GPN2: variants seen among roughly 807,000 people sequenced by gnomAD.
GPN2 encodes ATP-binding domain 1 family member B.
GPN2 carries 27 observed loss-of-function variants against 30.1 expected under a neutral mutation model. The observed-to-expected ratio is 0.90, with a 90% CI of 0.66 to 1.24. GPN2 has a LOEUF of 1.24. Among genes scored for constraint, GPN2 ranks in the 50% most tolerant of loss-of-function variants. The pLI is 0.00. For missense variants in GPN2, 406 were observed against 405.4 expected, an observed-to-expected ratio of 1.00 and a Z score of -0.01; for synonymous variants, 212 against 174.4, an observed-to-expected ratio of 1.22 and a Z score of -1.70.
chr1:26,879,694 C>T lies in GPN2; in HGVS notation c.916G>A (p.Glu306Lys), dbSNP rs760924102. The T allele has an allele frequency of 2.7e-5, 43 of 1,613,646 alleles. No homozygotes were observed. The South Asian group carries it at 4.5e-4, about 17-fold the overall frequency. The change falls in exon 5 of 5, where the codon GAA (glutamate) becomes AAA (lysine). Residue 306 changes from glutamate (E) to lysine (K), a missense_variant. By Grantham distance (56) the Glu-to-Lys change is moderately conservative. Transcript: ENST00000374135. ...LAPSNQSVEQ[E>K]AMQL ...CCTTGTTGCTACAGCTGCATGGCTT[C>T]CTGCTCCACTGACTGGTTCGAGGGT...
At chr1:26,888,317 C>T (rs2081902050) in intron 2 of GPN2, among the ~76,000 whole-genome samples, 1 of 152,170 alleles carries the variant, frequency 6.6e-6, no homozygotes, top group Non-Finnish European at 1.5e-5. Context: ...TAGCCTCCTT[C>T]TGTGAGGACA....
intron 4 of GPN2, among the ~76,000 whole-genome samples, chr1:26,882,152 G>C (rs1177688177): frequency 1.3e-5 from 2 of 151,620 alleles, no homozygotes; most frequent in Non-Finnish European, 2.9e-5. Context: ...GGGAGATGGA[G>C]GTTGCAGTGA....
intron 4 of GPN2, among the ~76,000 whole-genome samples, chr1:26,880,143 A>C (rs1015637419): frequency 6.6e-6 from 1 of 152,138 alleles, no homozygotes; most frequent in Admixed American, 6.5e-5. Context: ...GCTCCAAAGT[A>C]AGAAACAGAT....
chr1:26,883,028 TCTATTCTCA>T (rs1258015095), intron 4 of GPN2, among the ~76,000 whole-genome samples: 7 of 152,210 alleles, frequency 4.6e-5, no homozygotes, highest in Non-Finnish European at 8.8e-5. Context: ...CACCTTTCTT[TCTATTCTCA>T]CTACAAATCT....
intron 2 of GPN2, chr1:26,886,544 G>A: frequency 2.3e-6 from 1 of 440,278 alleles, no homozygotes; most frequent in South Asian, 1.6e-5. Context: ...ACAAAATTAG[G>A]CCAGGTGCGG....
intron 4 of GPN2, among the ~76,000 whole-genome samples, chr1:26,881,136 T>A (rs1209565344): frequency 6.6e-6 from 1 of 152,230 alleles, no homozygotes; most frequent in African/African-American, 2.4e-5. Flanking sequence ...ATCCTTTATA[T>A]ATACGAATAC....
chr1:26,888,528 A>C (rs1162304447), intron 2 of GPN2, among the ~76,000 whole-genome samples: 1 of 152,220 alleles, frequency 6.6e-6, no homozygotes, highest in African/African-American at 2.4e-5. Context: ...CTCTGCATAG[A>C]ACAGTCCTCC....
intron 2 of GPN2, 162 bp downstream of exon 2, chr1:26,888,807 A>G: frequency 1.4e-6 from 1 of 694,506 alleles, no homozygotes; most frequent in Non-Finnish European, 2.6e-6. Flanking sequence ...AACGGTAACT[A>G]GCACAGAGTG....
chr1:26,884,308 A>G lies in GPN2; in HGVS notation c.730-18T>C, dbSNP rs774491058. On this transcript the variant is annotated intron_variant, in intron 3 of 4. Transcript: ENST00000374135. ...TCCTTGTCCTGAGCAGGGAGGAGAG[A>G]AACAGTTCTGTGAGTGAAACAGAAG... is the stretch of plus-strand genomic sequence containing the variant. The G allele has an allele frequency of 1.3e-6, 2 of 1,596,558 alleles. No individual in the cohort carries two copies. Among genetic ancestry groups the G allele is most frequent in the Admixed American group, 3.7e-5 (2 of 54,244 alleles).
intron 2 of GPN2, among the ~76,000 whole-genome samples, chr1:26,887,015 A>AAAAG (rs2081894491): frequency 7.5e-6 from 1 of 133,184 alleles, no homozygotes; most frequent in Non-Finnish European, 1.6e-5. Context: ...AAAAAAAAAA[A>AAAAG]GTTGCAAATA....
rs1326868508 is a variant in GPN2 at position 26,877,259 on chromosome 1, G to A, written c.*2418C>T. 42 of 152,190 alleles carry A rather than the reference G, an allele frequency of 2.8e-4. 1 individual carries two copies. Among genetic ancestry groups the A allele is most frequent in the Admixed American group, 2.6e-3 (39 of 15,256 alleles). The allele number at this position is 152,190 out of a possible 1,614,324, so 9.4% of individuals were successfully genotyped here. On this transcript the variant is annotated 3_prime_UTR_variant, in exon 5 of 5. Transcript: ENST00000374135. ...GTTATTATCCCCTTTACAGCCAGGC[G>A]TGGGAGCTGAGGTTGCTTTCATACT...
chr1:26,881,263 A>G (rs1255733226), intron 4 of GPN2, among the ~76,000 whole-genome samples: 1 of 152,190 alleles, frequency 6.6e-6, no homozygotes, highest in African/African-American at 2.4e-5. Flanking sequence ...CCTACCACAC[A>G]TCATAGCTTA....
chr1:26,888,919 A>C, intron 2 of GPN2, 50 bp downstream of exon 2: 1 of 1,599,006 alleles, frequency 6.3e-7, no homozygotes, highest in South Asian at 1.1e-5. Flanking sequence ...TGTCTGCTTC[A>C]TTCTAGCCCA....
intron 2 of GPN2, 81 bp from the exon 3 acceptor site, chr1:26,886,214 T>G: frequency 1.1e-6 from 1 of 898,966 alleles, no homozygotes; most frequent in East Asian, 2.6e-5. Context: ...CCTTTTTTCC[T>G]TTGTGCACTC....
At chr1:26,889,237 C>T in intron 1 of GPN2, 112 bp from the exon 2 acceptor site, 1 of 816,550 alleles carries the variant, frequency 1.2e-6, no homozygotes, top group Non-Finnish European at 1.9e-6. Flanking sequence ...AGTCTCCTGC[C>T]TCTGTTTCTT....
At chr1:26,883,970 G>A (rs572840156) in intron 4 of GPN2, among the ~76,000 whole-genome samples, 190 bp downstream of exon 4, 1 of 150,576 alleles carries the variant, frequency 6.6e-6, no homozygotes, top group Non-Finnish European at 1.5e-5. Flanking sequence ...AACCCGGGAG[G>A]CAGAGCTTGC....
rs1179109205 is a variant in GPN2 at position 26,879,735 on chromosome 1, T to C, written c.875A>G (p.Gln292Arg). The part of the protein sequence containing the change: ...DFHFSSTLGI[Q>R]EKYLAPSNQS... The stretch of plus-strand genomic sequence containing the variant: ...GTTCGAGGGTGCCAGGTACTTCTCC[T>C]GGATGCCCAGTGTGCTGAGGAAGGG... The change falls in exon 5 of 5, where the codon CAG (glutamine) becomes CGG (arginine). Residue 292 changes from glutamine to arginine, a missense_variant. By Grantham distance (43) the Gln-to-Arg change is conservative. Transcript: ENST00000374135. 6.2e-7 allele frequency: 1 copy of C among 1,613,670 alleles called. No individual in the cohort carries two copies. The highest frequency in any genetic ancestry group is 8.5e-7 in the Non-Finnish European group (1 of 1,179,690).
chr1:26,882,935 G>C (rs1047787835), intron 4 of GPN2, among the ~76,000 whole-genome samples: 2 of 152,146 alleles, frequency 1.3e-5, no homozygotes, highest in African/African-American at 4.8e-5. Context: ...AGAGATCTGG[G>C]AAGCTAAGTT....
Position 26,886,542 on chromosome 1 carries a change from A to G in GPN2, c.569-409T>C, listed in dbSNP as rs201280339. On this transcript the variant is annotated intron_variant, in intron 2 of 4. Transcript: ENST00000374135. ...CCATTTCTCCTAAAAATACAAAATT[A>G]GGCCAGGTGCGGTGGCTCAAGCCTG... 1.3e-4 allele frequency: 58 copies of G among 442,120 alleles called. No individual in the cohort carries two copies. In the East Asian group the frequency reaches 3.5e-3, roughly 27 times the overall value. The allele number at this position is 442,120 out of a possible 1,614,324, so 27.4% of individuals were successfully genotyped here.
Sources: allele counts gnomAD v4.1 joint callset (sites outside exome capture counted in the v4.1 genomes callset), GRCh38; gene constraint gnomAD v4.1.1; transcripts MANE v1.5; gene names NCBI Gene and HGNC (gene_info 2026-07-23, HGNC 2026-07-21).